The following IQUB variants were observed in gnomAD, a reference collection of about 807,000 sequenced individuals.
IQUB encodes IQ motif and ubiquitin-like domain-containing protein.
A neutral mutation model predicts 86.4 loss-of-function variants in IQUB; 86 were observed. That is an observed-to-expected ratio of 1.00 (90% CI 0.84 to 1.19). The LOEUF (loss-of-function observed/expected upper bound fraction) is 1.19, where lower values mean the gene tolerates loss of function less well. Ranked by LOEUF, IQUB falls within the 50% of genes most tolerant of loss-of-function variation. The probability of loss-of-function intolerance (pLI) is 0.00; values close to 1 mark genes in which losing one functional copy is unlikely to be tolerated. For missense variants in IQUB, 946 were observed against 916.9 expected (o/e 1.03, Z -0.41); for synonymous variants, 289 against 304.5 (o/e 0.95, Z 0.53).
At chr7:123,453,002 G>T in intron 12 of IQUB, 77 bp from the exon 13 acceptor site, 1 of 1,070,416 alleles carries the variant, frequency 9.3e-7, no homozygotes, top group Non-Finnish European at 1.3e-6. Flanking sequence ...ATGCCTCGGT[G>T]CCTTTGCTTG....
At chr7:123,501,067 T>C (rs1179861939) in intron 6 of IQUB, 1 of 152,192 alleles carries the variant, frequency 6.6e-6, no homozygotes, top group Non-Finnish European at 1.5e-5. Context: ...GATAGTCACA[T>C]GACATAGTTC....
At chr7:123,456,127 T>C (rs1005063022) in intron 12 of IQUB, among the ~76,000 whole-genome samples, 1 of 152,120 alleles carries the variant, frequency 6.6e-6, no homozygotes, top group Admixed American at 6.6e-5. Context: ...TTCCAGTTTG[T>C]CTGCTTGCAA....
intron 10 of IQUB, chr7:123,462,640 C>A: frequency 3.8e-6 from 1 of 264,520 alleles, no homozygotes. Flanking sequence ...ATCAAGAAGA[C>A]AACTTATCTG....
chr7:123,502,689 TG>T lies in IQUB; in HGVS notation c.930del (p.Asn310LysfsTer9), dbSNP rs1200826074. 2.5e-6 allele frequency: 4 copies of T among 1,611,758 alleles called. No individual in the cohort carries two copies. The highest frequency in any genetic ancestry group is 8.5e-7 in the Non-Finnish European group (1 of 1,178,746). ...GTCATATTTGATACATATACACCAA[TG>T]TTAGTCATCTGTGTGGATGTTGTAT... ...TTNTTSTQMT[N>X]IGVYVSNMTD... On this transcript the variant is annotated frameshift_variant, in exon 6 of 13. Coordinates refer to ENST00000324698, the MANE Select transcript of IQUB (RefSeq NM_178827.5). LOFTEE classifies it high-confidence loss of function.
intron 8 of IQUB, among the ~76,000 whole-genome samples, chr7:123,471,790 A>G (rs575888030): frequency 6.6e-6 from 1 of 152,330 alleles, no homozygotes; most frequent in South Asian, 2.1e-4. Flanking sequence ...TGAAACAATT[A>G]TATCACTTGT....
chr7:123,479,391 TA>T (rs1367982240), intron 8 of IQUB, among the ~76,000 whole-genome samples: 21 of 152,112 alleles, frequency 1.4e-4, no homozygotes, highest in Non-Finnish European at 1.3e-4. Flanking sequence ...AGTCTATAGC[TA>T]TTTCTCCCAG....
chr7:123,457,390 A>T lies in IQUB; in HGVS notation c.2184T>A (p.Ser728Arg). 1 of 1,611,032 alleles carries T rather than the reference A, an allele frequency of 6.2e-7. No homozygotes were observed. ...DEAAAHLKLT[S>R]IEEGYERSFI... ...AATTCAACTTTCTTACCTCTTCAAT[A>T]CTTGTTAGCTTGAGATGAGCAGCTG... The change falls in exon 12 of 13, where the codon AGT (serine) becomes AGA (arginine). Residue 728 changes from serine to arginine, a missense_variant. Transcript: ENST00000324698.
chr7:123,468,722 C>T (rs1156394849), intron 9 of IQUB, among the ~76,000 whole-genome samples: 1 of 152,206 alleles, frequency 6.6e-6, no homozygotes, highest in Non-Finnish European at 1.5e-5. Context: ...CCTGATAGCA[C>T]TCTCCAACAA....
intron 8 of IQUB, among the ~76,000 whole-genome samples, chr7:123,476,450 A>C (rs1794747849): frequency 6.6e-6 from 1 of 152,110 alleles, no homozygotes. Flanking sequence ...TGGGTATAGT[A>C]TTCAGGGAGA....
At position 123,527,540 on chromosome 7, in the gene IQUB, A is replaced by G. The variant is rs1267799512; in HGVS notation, c.-5+6952T>C. 2.7e-5 allele frequency among the ~76,000 whole-genome samples: 4 copies of G among 150,226 alleles called. No homozygotes were observed. The East Asian group carries it at 7.8e-4, about 29-fold the overall frequency. ...GTTAGTTTTCCTTCAAACAGACAGG[A>G]CCCTCGGCTGCAGGTCTGTTGGAGC... On this transcript the variant is annotated intron_variant, in intron 1 of 12. Coordinates refer to ENST00000324698, the MANE Select transcript of IQUB (RefSeq NM_178827.5).
At position 123,512,176 on chromosome 7, in the gene IQUB, G is replaced by A. The variant is rs774330479; in HGVS notation, c.165C>T (p.Ser55=). 1 of 1,613,904 alleles carries A rather than the reference G, an allele frequency of 6.2e-7. No homozygotes were observed. The highest frequency in any genetic ancestry group is 1.7e-5 in the Admixed American group (1 of 60,002). The part of the protein sequence containing the change: ...HESGIEQFSE[S]HAIHVEEQSD... ...TCTGCTCCTCAACATGTATTGCATG[G>A]CTCTCACTGAATTGTTCTATTCCAG... The change falls in exon 2 of 13, where the codon AGC becomes AGT. Residue 55 remains serine (S), a synonymous_variant. Coordinates refer to ENST00000324698, the MANE Select transcript of IQUB (RefSeq NM_178827.5).
chr7:123,524,935 C>G (rs1408832450), intron 1 of IQUB, among the ~76,000 whole-genome samples: 14 of 151,824 alleles, frequency 9.2e-5, no homozygotes, highest in African/African-American at 3.4e-4. Flanking sequence ...TGTCAAAGGC[C>G]TTTTCTGCAT....
intron 1 of IQUB, among the ~76,000 whole-genome samples, chr7:123,530,982 T>G (rs1414283585): frequency 6.6e-6 from 1 of 152,158 alleles, no homozygotes; most frequent in Non-Finnish European, 1.5e-5. Flanking sequence ...ACAAATTTAT[T>G]TAATCCTTAC....
At chr7:123,456,034 G>T (rs1264813557) in intron 12 of IQUB, among the ~76,000 whole-genome samples, 1 of 152,016 alleles carries the variant, frequency 6.6e-6, no homozygotes, top group Non-Finnish European at 1.5e-5. Flanking sequence ...CTTTCTGCAA[G>T]ATATAAACTA....
chr7:123,461,406 T>C lies in IQUB; in HGVS notation c.1958A>G (p.Tyr653Cys), dbSNP rs1280936420. The C allele has an allele frequency of 4.3e-6, 7 of 1,611,964 alleles. No homozygotes were observed. The highest frequency in any genetic ancestry group is 5.9e-6 in the Non-Finnish European group (7 of 1,178,642). ...ATCATCTTCATAATCAGCTTCTGTA[T>C]AGTAGAGCTGTTGAAGTAAACATTT... ...KYKCLLQQLYYTEADYEDDSK... is the reference protein window; with the variant it reads ...KYKCLLQQLYCTEADYEDDSK... Residue 653 changes from tyrosine (Y) to cysteine (C), a missense_variant, in exon 11 of 13, where the codon TAT becomes TGT. Coordinates refer to ENST00000324698, the MANE Select transcript of IQUB (RefSeq NM_178827.5).
At chr7:123,510,352 G>A (rs1228015775) in intron 2 of IQUB, among the ~76,000 whole-genome samples, 1 of 152,052 alleles carries the variant, frequency 6.6e-6, no homozygotes, top group African/African-American at 2.4e-5. Context: ...TTTGCATAGT[G>A]AATTTAGGAA....
At chr7:123,462,792 A>T (rs1393538606) in intron 10 of IQUB, 1 of 454,624 alleles carries the variant, frequency 2.2e-6, no homozygotes, top group African/African-American at 2.0e-5. Flanking sequence ...TTATAGATGG[A>T]GCATTTACTA....
intron 1 of IQUB, among the ~76,000 whole-genome samples, chr7:123,517,327 C>T (rs1244491272): frequency 2.0e-5 from 3 of 151,450 alleles, no homozygotes; most frequent in Non-Finnish European, 1.5e-5. Context: ...GTCAGGAGAT[C>T]GAGACCATCC....
At chr7:123,502,796 T>C in intron 5 of IQUB, 44 bp from the exon 6 acceptor site, 1 of 1,462,176 alleles carries the variant, frequency 6.8e-7, no homozygotes, top group Non-Finnish European at 9.3e-7. Flanking sequence ...CCCCTATATA[T>C]ATACATAAGG....
Sources: allele counts gnomAD v4.1 joint callset (sites outside exome capture counted in the v4.1 genomes callset), GRCh38; gene constraint gnomAD v4.1.1; transcripts MANE v1.5; gene names NCBI Gene and HGNC (gene_info 2026-07-23, HGNC 2026-07-21).